Variants in CHODL observed in about 807,000 individuals in gnomAD.
The protein encoded by CHODL is chondrolectin.
A neutral mutation model predicts 34.5 loss-of-function variants in CHODL; 29 were observed. The ratio of observed to expected loss-of-function variants is 0.84; its 90% confidence interval spans 0.63 to 1.15. CHODL has a LOEUF of 1.15. CHODL is among the 50% of genes most tolerant of loss of function. The probability of loss-of-function intolerance (pLI) is 0.00; values close to 1 mark genes in which losing one functional copy is unlikely to be tolerated. For synonymous variants in CHODL, 125 were observed against 116.1 expected, an observed-to-expected ratio of 1.08 and a Z score of -0.49; for missense variants, 332 against 332.5, an observed-to-expected ratio of 1.00 and a Z score of 0.01.
In CHODL at chr21:18,176,261, AGT is replaced by A. The variant is rs575299590; in HGVS notation, c.-44-80244_-44-80243del. On this transcript the variant is annotated intron_variant, in intron 2 of 6. Transcript: ENST00000400127. ...TTAATGAGATTAAGAAAATCTGGAG[AGT>A]GTGAGGTCAGCTACTCTAGGTCCAT... Among the ~76,000 whole-genome samples the A allele has an allele frequency of 1.4e-3, 208 of 152,294 alleles. 1 individual carries two copies. The highest frequency in any genetic ancestry group is 4.5e-3 in the African/African-American group (187 of 41,566).
intron 1 of CHODL, among the ~76,000 whole-genome samples, chr21:17,970,155 TC>T (rs1447977268): frequency 2.0e-5 from 3 of 152,102 alleles, no homozygotes; most frequent in African/African-American, 4.8e-5. Context: ...ATCAAAATTT[TC>T]TTTGGTGGAC....
At chr21:18,110,540 CATACCTGCCAACACCTACAGCTG>C (rs71318126) in intron 2 of CHODL, among the ~76,000 whole-genome samples, 1 of 151,898 alleles carries the variant, frequency 6.6e-6, no homozygotes, top group Non-Finnish European at 1.5e-5. Context: ...CCATTCCACC[CATACCTGCCAACACCTACAGCTG>C]ATACCTGCCA....
At chr21:18,243,859 A>G (rs1381364187), upstream of CHODL, among the ~76,000 whole-genome samples, 1 of 152,226 alleles carries the variant, frequency 6.6e-6, no homozygotes, top group East Asian at 1.9e-4. Context: ...GGAGGAAGTT[A>G]GAGGAAAGTG....
Position 17,954,881 on chromosome 21 carries a change from T to A in CHODL, c.-145+37481T>A, listed in dbSNP as rs995155085. ...ATATAATTCTTATATATTTATATTT[T>A]AAATTAAATCATATATTTTATATAA... On this transcript the variant is annotated intron_variant, in intron 1 of 6. Transcript: ENST00000400127. Among the ~76,000 whole-genome samples the A allele has an allele frequency of 7.3e-5, 7 of 95,282 alleles. 2 individuals carry two copies. In the East Asian group the frequency reaches 1.8e-3, roughly 25 times the overall value. The allele number at this position is 95,282 out of a possible 152,430, so 62.5% of individuals were successfully genotyped here. A position where few individuals can be genotyped will look rare whatever the true frequency, so the allele number is the denominator to read the frequency against.
At chr21:18,197,994 T>C (rs1278461238) in intron 2 of CHODL, among the ~76,000 whole-genome samples, 10 of 152,232 alleles carry the variant, frequency 6.6e-5, no homozygotes, top group South Asian at 2.1e-4. Context: ...TACAGTTGAG[T>C]TGGCCATCAC....
At position 18,013,900 on chromosome 21, in the gene CHODL, G is replaced by T. The variant is rs570148398; in HGVS notation, c.-144-13972G>T. Among the ~76,000 whole-genome samples the T allele has an allele frequency of 2.8e-4, 43 of 152,140 alleles. 1 individual carries two copies. In the South Asian group the frequency reaches 8.5e-3, roughly 30 times the overall value. Reference sequence around the variant, plus strand: ...TCCACCCACCTCAGCCTCCCAAAGTGCTGGGATTACCGGCGTGAGCCACCG... The same window carrying T: ...TCCACCCACCTCAGCCTCCCAAAGTTCTGGGATTACCGGCGTGAGCCACCG... On this transcript the variant is annotated intron_variant, in intron 1 of 6. Coordinates refer to the CHODL transcript ENST00000400127.
At chr21:17,997,838 GAGATAC>G (rs1000079251) in intron 1 of CHODL, among the ~76,000 whole-genome samples, 2 of 152,240 alleles carry the variant, frequency 1.3e-5, no homozygotes, top group Admixed American at 1.3e-4. Context: ...GGAATTCTGG[GAGATAC>G]AATTCAAGTT....
intron 2 of CHODL, among the ~76,000 whole-genome samples, chr21:18,118,735 C>T (rs552033680): frequency 6.6e-6 from 1 of 152,188 alleles, no homozygotes; most frequent in African/African-American, 2.4e-5. Context: ...TAGCCCTTGT[C>T]TCTAATGACA....
At chr21:18,156,366 C>T (rs1231630876) in intron 2 of CHODL, among the ~76,000 whole-genome samples, 1 of 152,102 alleles carries the variant, frequency 6.6e-6, no homozygotes, top group South Asian at 2.1e-4. Flanking sequence ...TTTGGAGTCA[C>T]ATTCAAGGAA....
intron 2 of CHODL, among the ~76,000 whole-genome samples, chr21:18,193,712 A>AAAATAAAAT (rs1555881310): frequency 7.2e-6 from 1 of 139,308 alleles, no homozygotes; most frequent in East Asian, 2.2e-4. Context: ...AAAAAAAAAT[A>AAAATAAAAT]AAATAAATAA....
intron 1 of CHODL, 149 bp downstream of exon 1, chr21:18,245,451 T>C (rs2074128248): frequency 9.4e-6 from 6 of 637,146 alleles, no homozygotes; most frequent in Non-Finnish European, 1.6e-5. Context: ...AAATTGATTG[T>C]GCTGTTCTCC....
At chr21:18,150,026 A>C (rs2072944783) in intron 2 of CHODL, among the ~76,000 whole-genome samples, 1 of 152,120 alleles carries the variant, frequency 6.6e-6, no homozygotes, top group South Asian at 2.1e-4. Context: ...GAGATATGAG[A>C]TTTCAATCAA....
chr21:17,992,624 G>T (rs534594936), intron 1 of CHODL, among the ~76,000 whole-genome samples: 7 of 150,780 alleles, frequency 4.6e-5, no homozygotes, highest in Non-Finnish European at 1.0e-4. Context: ...TTTGCTATTG[G>T]TGTATAGAAA....
chr21:18,129,892 CTGTGTGTGTGTGTGTGTG>C (rs150557806), intron 2 of CHODL, among the ~76,000 whole-genome samples: 2,439 of 140,692 alleles, frequency 0.017, 67 homozygotes, highest in African/African-American at 0.057. Flanking sequence ...CTGTCTTTCT[CTGTGTGTGTGTGTGTGTG>C]TGTGTGTGTG....
At position 18,231,277 on chromosome 21, in the gene CHODL, C is replaced by T. The variant is rs373449287; in HGVS notation, c.-44-25232C>T. ...ACTAAAATGCTCAGGGTTTTGGATC[C>T]GACGTCATGAAATGACACTGCTCAG... On this transcript the variant is annotated intron_variant, in intron 2 of 6. Coordinates refer to the CHODL transcript ENST00000400127. Among the ~76,000 whole-genome samples the T allele has an allele frequency of 4.1e-4, 63 of 152,174 alleles. 1 individual carries two copies. In the East Asian group the frequency reaches 9.5e-3, roughly 23 times the overall value.
intron 2 of CHODL, among the ~76,000 whole-genome samples, chr21:18,209,028 G>A (rs1330248161): frequency 6.6e-6 from 1 of 152,082 alleles, no homozygotes; most frequent in African/African-American, 2.4e-5. Flanking sequence ...CCTGTCTACT[G>A]CCTATGTTTG....
intron 1 of CHODL, among the ~76,000 whole-genome samples, chr21:17,995,561 C>T (rs912835850): frequency 6.6e-6 from 1 of 152,134 alleles, no homozygotes; most frequent in Non-Finnish European, 1.5e-5. Flanking sequence ...TTTGGTCCTT[C>T]TTTGTGGTGG....
At chr21:18,224,664 G>A (rs950189687) in intron 2 of CHODL, among the ~76,000 whole-genome samples, 1 of 152,062 alleles carries the variant, frequency 6.6e-6, no homozygotes, top group Non-Finnish European at 1.5e-5. Flanking sequence ...ATGGATTTAT[G>A]TGTTCTTCCC....
chr21:18,073,821 A>G (rs1176568898), intron 2 of CHODL, among the ~76,000 whole-genome samples: 1 of 152,098 alleles, frequency 6.6e-6, no homozygotes, highest in Non-Finnish European at 1.5e-5. Context: ...ATTCACAATC[A>G]TTTATGTAAC....
Sources: allele counts gnomAD v4.1 joint callset (sites outside exome capture counted in the v4.1 genomes callset), GRCh38; gene constraint gnomAD v4.1.1; transcripts MANE v1.5; gene names NCBI Gene and HGNC (gene_info 2026-07-23, HGNC 2026-07-21).